ACO2: variants seen among roughly 807,000 people sequenced by gnomAD.
ACO2 encodes aconitate hydratase, mitochondrial.
ACO2 carries 31 observed loss-of-function variants against 84.5 expected under a neutral mutation model. The observed-to-expected ratio is 0.37, with a 90% CI of 0.28 to 0.50. The LOEUF (loss-of-function observed/expected upper bound fraction) is 0.50, where lower values mean the gene tolerates loss of function less well. Among genes scored for constraint, ACO2 ranks in the 20% least tolerant of loss-of-function variants. The pLI is 0.97. For synonymous variants in ACO2, 414 were observed against 412.7 expected (o/e 1.00, Z -0.04); for missense variants, 685 against 1,029.3 (o/e 0.67, Z 4.58).
At chr22:41,520,130 T>C in intron 8 of ACO2, 41 bp from the exon 9 acceptor site, 1 of 1,566,220 alleles carries the variant, frequency 6.4e-7, no homozygotes, top group South Asian at 1.1e-5. Context: ...CAAGGTTTCT[T>C]CCCTCCTCTC....
In ACO2 at chr22:41,485,132, C is replaced by G. The variant is rs1408834451; in HGVS notation, c.37-14594C>G. 2.0e-5 allele frequency among the ~76,000 whole-genome samples: 3 copies of G among 152,150 alleles called. No homozygotes were observed. The South Asian group carries it at 6.2e-4, about 31-fold the overall frequency. On this transcript the variant is annotated intron_variant, in intron 1 of 17. Coordinates refer to ENST00000216254, the MANE Select transcript of ACO2 (RefSeq NM_001098.3). Reference sequence around the variant, plus strand: ...CCTCAGGTAATCCACCCACCTCAGCCTCCCAAAGTGCTGGGATCCGTGAGC... The same window carrying G: ...CCTCAGGTAATCCACCCACCTCAGCGTCCCAAAGTGCTGGGATCCGTGAGC...
chr22:41,483,222 G>A (rs1266605031), intron 1 of ACO2, among the ~76,000 whole-genome samples: 4 of 152,210 alleles, frequency 2.6e-5, no homozygotes, highest in African/African-American at 9.6e-5. Context: ...AAATTTTCCC[G>A]TTTCCCAGTT....
chr22:41,498,548 G>A (rs1197688113), intron 1 of ACO2, among the ~76,000 whole-genome samples: 1 of 152,162 alleles, frequency 6.6e-6, no homozygotes. Flanking sequence ...AACCGGGGCT[G>A]GAGCATTCGC....
At chr22:41,503,694 C>T (rs2066370725) in intron 2 of ACO2, among the ~76,000 whole-genome samples, 1 of 152,042 alleles carries the variant, frequency 6.6e-6, no homozygotes, top group African/African-American at 2.4e-5. Context: ...CAGTTTTGTC[C>T]CTAGGGCCCA....
intron 1 of ACO2, among the ~76,000 whole-genome samples, chr22:41,487,392 A>T (rs993125893): frequency 6.6e-6 from 1 of 152,208 alleles, no homozygotes; most frequent in Non-Finnish European, 1.5e-5. Context: ...CTTCTCTCAC[A>T]TAGTCACTTA....
At chr22:41,508,572 T>G (rs903252779) in intron 3 of ACO2, among the ~76,000 whole-genome samples, 2 of 152,224 alleles carry the variant, frequency 1.3e-5, no homozygotes, top group Non-Finnish European at 2.9e-5. Context: ...TGATCCTGGC[T>G]CCCACTCTGG....
At chr22:41,476,669 C>G (rs1197610728) in intron 1 of ACO2, among the ~76,000 whole-genome samples, 1 of 152,012 alleles carries the variant, frequency 6.6e-6, no homozygotes, top group Non-Finnish European at 1.5e-5. Context: ...GAGATTGCGC[C>G]ACTGTACTCC....
chr22:41,484,800 G>C (rs1310965272), intron 1 of ACO2, among the ~76,000 whole-genome samples: 1 of 151,486 alleles, frequency 6.6e-6, no homozygotes, highest in African/African-American at 2.4e-5. Flanking sequence ...TTTTTTCCAA[G>C]TGAGGAAATT....
chr22:41,484,749 A>T (rs577458549), intron 1 of ACO2, among the ~76,000 whole-genome samples: 1 of 152,280 alleles, frequency 6.6e-6, no homozygotes, highest in South Asian at 2.1e-4. Flanking sequence ...AATAACATTC[A>T]TATCATTTCA....
rs370006137 is a variant in ACO2 at position 41,512,017 on chromosome 22, A to G, written c.525+49A>G. On this transcript the variant is annotated intron_variant, in intron 4 of 17. Transcript: ENST00000216254. ...TCCCAAGGGCCCAAGCCAGAGAAGT[A>G]TGTTCCAGGCCTATGGGGGGAGGGG... 7.4e-6 allele frequency: 11 copies of G among 1,482,338 alleles called. No homozygotes were observed. The African/African-American group carries it at 1.3e-4, about 17-fold the overall frequency. 91.8% of individuals were successfully genotyped at this position (1,482,338 alleles called of 1,614,324 possible). A position where few individuals can be genotyped will look rare whatever the true frequency, so the allele number is the denominator to read the frequency against.
chr22:41,515,680 A>G lies in ACO2; in HGVS notation c.685-87A>G. 1 of 1,604,138 alleles carries G rather than the reference A, an allele frequency of 6.2e-7. No individual in the cohort carries two copies. Among genetic ancestry groups the G allele is most frequent in the Non-Finnish European group, 8.5e-7 (1 of 1,173,968 alleles). ...GGGAGGTAGAGACCAATAAGCAGCA[A>G]TGTGAATGGCAGCAGGGCCATCCTG... On this transcript the variant is annotated intron_variant, in intron 5 of 17. Coordinates refer to ENST00000216254, the MANE Select transcript of ACO2 (RefSeq NM_001098.3). This position sits in a 1 kb window ranked among gnomAD's most constrained non-coding sequence, Gnocchi z 5.8.
In ACO2 at chr22:41,518,494, A is replaced by C. The variant is rs767214846; in HGVS notation, c.954A>C (p.Leu318=). Residue 318 remains leucine (L), a synonymous_variant, in exon 8 of 18, where the codon CTA becomes CTC. Transcript: ENST00000216254. The part of the protein sequence containing the change: ...SKTGREDIAN[L]ADEFKDHLVP... ...TGTTGATTTCAGACATTGCCAATCT[A>C]GCTGATGAATTCAAGGATCACTTGG... is the stretch of plus-strand genomic sequence containing the variant. 1.2e-6 allele frequency: 2 copies of C among 1,613,438 alleles called. No homozygotes were observed. Among genetic ancestry groups the C allele is most frequent in the African/African-American group, 2.7e-5 (2 of 74,918 alleles).
At chr22:41,525,958 G>C (rs927140518) in intron 14 of ACO2, 2 of 317,702 alleles carry the variant, frequency 6.3e-6, no homozygotes, top group African/African-American at 2.1e-5. Flanking sequence ...GTCTGTGGCT[G>C]ATCTTGCAGC....
intron 4 of ACO2, among the ~76,000 whole-genome samples, chr22:41,514,526 A>AC (rs1431521588): frequency 6.6e-6 from 1 of 151,676 alleles, no homozygotes; most frequent in Non-Finnish European, 1.5e-5. Flanking sequence ...CAGACCTCAG[A>AC]CCCCCCGATA....
chr22:41,472,473 C>T (rs893101082), intron 1 of ACO2, among the ~76,000 whole-genome samples: 1 of 152,160 alleles, frequency 6.6e-6, no homozygotes, highest in Non-Finnish European at 1.5e-5. Flanking sequence ...TGCTGCTTCC[C>T]TTTGGCATCG....
intron 1 of ACO2, among the ~76,000 whole-genome samples, chr22:41,485,245 G>T (rs1348042958): frequency 6.6e-6 from 1 of 151,686 alleles, no homozygotes; most frequent in African/African-American, 2.4e-5. Context: ...TTAGGACAGC[G>T]AGCCACACCC....
chr22:41,507,822 A>G lies in ACO2; in HGVS notation c.205A>G (p.Ile69Val). 2 of 1,614,150 alleles carry G rather than the reference A, an allele frequency of 1.2e-6. No individual in the cohort carries two copies. The highest frequency in any genetic ancestry group is 1.7e-6 in the Non-Finnish European group (2 of 1,180,020). ...LNRPLTLSEK[I>V]VYGHLDDPAS... ...CCGGCCGCTGACACTCTCGGAGAAGATTGTGTATGGACACCTGGATGACCC... is the reference window on the plus strand; with the variant it reads ...CCGGCCGCTGACACTCTCGGAGAAGGTTGTGTATGGACACCTGGATGACCC... Residue 69 changes from isoleucine to valine, a missense_variant, in exon 3 of 18, where the codon ATT (isoleucine) becomes GTT (valine). Physicochemically the swap from Ile to Val is conservative, Grantham distance 29 (BLOSUM62 3). Coordinates refer to ENST00000216254, the MANE Select transcript of ACO2 (RefSeq NM_001098.3).
chr22:41,506,511 C>T (rs2066394565), intron 2 of ACO2, among the ~76,000 whole-genome samples: 1 of 152,126 alleles, frequency 6.6e-6, no homozygotes, highest in African/African-American at 2.4e-5. Context: ...TCTCGGCCTC[C>T]CAAAGTGCTG....
At chr22:41,480,007 C>T (rs1214376554) in intron 1 of ACO2, among the ~76,000 whole-genome samples, 1 of 152,206 alleles carries the variant, frequency 6.6e-6, no homozygotes, top group East Asian at 1.9e-4. Flanking sequence ...AGGACTGCAT[C>T]ACTTTTGTTC....
Sources: allele counts gnomAD v4.1 joint callset (sites outside exome capture counted in the v4.1 genomes callset), GRCh38; gene constraint gnomAD v4.1.1; non-coding constraint Gnocchi (gnomAD v3.1); transcripts MANE v1.5; gene names NCBI Gene and HGNC (gene_info 2026-07-23, HGNC 2026-07-21).